Variants in ACTR3C observed in about 807,000 individuals in gnomAD.
The protein encoded by ACTR3C is actin-related protein 3C.
ACTR3C carries 18 observed loss-of-function variants against 26.3 expected under a neutral mutation model. That is an observed-to-expected ratio of 0.68 (90% CI 0.47 to 1.01). The LOEUF (loss-of-function observed/expected upper bound fraction) is 1.01. ACTR3C is among the 50% of genes least tolerant of loss of function. ACTR3C has a pLI of 0.00. For missense variants in ACTR3C, 184 were observed against 250.7 expected (o/e 0.73, Z 1.80); for synonymous variants, 55 against 94.5 (o/e 0.58, Z 2.42).
At chr7:149,963,313 T>G in the ACTR3C span, among the ~76,000 whole-genome samples, 5 of 152,226 alleles carry the variant, frequency 3.3e-5, no homozygotes, top group African/African-American at 1.2e-4. Context: ...ACATTTTTCC[T>G]GTTGAACACA....
chr7:150,203,193 ACAAG>A, the ACTR3C span, among the ~76,000 whole-genome samples: 1 of 152,246 alleles, frequency 6.6e-6, no homozygotes, highest in Non-Finnish European at 1.5e-5. Context: ...CCACATTTTA[ACAAG>A]CACACCAAGA....
chr7:150,037,882 A>AG, the ACTR3C span, among the ~76,000 whole-genome samples: 2 of 86,004 alleles, frequency 2.3e-5, no homozygotes, highest in African/African-American at 9.6e-5. Context: ...CTAAGAGCAA[A>AG]GGGGGGAAGA....
chr7:150,042,412 C>CA, the ACTR3C span, among the ~76,000 whole-genome samples: 1 of 146,256 alleles, frequency 6.8e-6, no homozygotes, highest in African/African-American at 2.6e-5. Flanking sequence ...TCTCAGTCCC[C>CA]GCGTCGCGAG....
the ACTR3C span, among the ~76,000 whole-genome samples, chr7:150,110,754 G>A: frequency 6.9e-6 from 1 of 145,794 alleles, no homozygotes; most frequent in Non-Finnish European, 1.5e-5. Flanking sequence ...AGCAGGGGGC[G>A]GGGCTTGCTG....
the ACTR3C span, among the ~76,000 whole-genome samples, chr7:150,033,165 G>A: frequency 6.6e-6 from 1 of 152,166 alleles, no homozygotes; most frequent in African/African-American, 2.4e-5. Context: ...TCCCCTCCCT[G>A]CAGCAGGGCT....
At chr7:149,885,987 T>C in the ACTR3C span, among the ~76,000 whole-genome samples, 1 of 152,272 alleles carries the variant, frequency 6.6e-6, no homozygotes, top group African/African-American at 2.4e-5. Flanking sequence ...TTAATCTTTC[T>C]GAGCTTCATT....
At chr7:150,232,337 T>C in the ACTR3C span, among the ~76,000 whole-genome samples, 1 of 152,228 alleles carries the variant, frequency 6.6e-6, no homozygotes, top group Non-Finnish European at 1.5e-5. Context: ...TCAAATTGGC[T>C]TCTTTACACC....
chr7:150,197,293 A>G, the ACTR3C span, among the ~76,000 whole-genome samples: 1 of 152,180 alleles, frequency 6.6e-6, no homozygotes, highest in Non-Finnish European at 1.5e-5. Flanking sequence ...CAGGGACTCC[A>G]TTGTCCCTCA....
chr7:149,959,231 C>T, the ACTR3C span, among the ~76,000 whole-genome samples: 1 of 149,478 alleles, frequency 6.7e-6, no homozygotes, highest in Non-Finnish European at 1.5e-5. Context: ...CGCCCCCCAC[C>T]CCCACAATCT....
the ACTR3C span, among the ~76,000 whole-genome samples, chr7:150,043,357 A>C: frequency 6.6e-6 from 1 of 151,250 alleles, no homozygotes; most frequent in Non-Finnish European, 1.5e-5. Flanking sequence ...TGGGGGTCAC[A>C]AGAGCCAGAG....
At chr7:149,932,610 T>C in the ACTR3C span, among the ~76,000 whole-genome samples, 1 of 151,894 alleles carries the variant, frequency 6.6e-6, no homozygotes, top group Non-Finnish European at 1.5e-5. Flanking sequence ...GCTGGCTCTT[T>C]TGGCACTGTT....
rs869078461 is a variant in ACTR3C, at chr7:150,299,494, AC to A, written c.-51-4148del. 1.7e-3 allele frequency among the ~76,000 whole-genome samples: 238 copies of A among 138,460 alleles called. 9 individuals are homozygous for A. Among genetic ancestry groups the A allele is most frequent in the African/African-American group, 2.9e-3 (95 of 33,050 alleles). The allele number at this position is 138,460 out of a possible 152,430, so 90.8% of individuals were successfully genotyped here. On this transcript the variant is annotated intron_variant, in intron 1 of 7. Coordinates refer to ENST00000683684, the MANE Select transcript of ACTR3C (RefSeq NM_001164458.2). ...AAAAAAAAAAAAAAAAAAAAAAAAA[AC>A]AAAAAACAGGCTGGGTGGTGTGGCT...
At chr7:149,973,213 G>A in the ACTR3C span, among the ~76,000 whole-genome samples, 2 of 152,204 alleles carry the variant, frequency 1.3e-5, no homozygotes, top group Admixed American at 1.3e-4. Flanking sequence ...AAGCACAGAG[G>A]CCCCACCCGG....
At chr7:150,036,956 G>A in the ACTR3C span, among the ~76,000 whole-genome samples, 1 of 93,934 alleles carries the variant, frequency 1.1e-5, no homozygotes, top group Non-Finnish European at 2.5e-5. Flanking sequence ...GGGGGAACCA[G>A]GGGCTGGCTC....
At chr7:150,170,518 G>A in the ACTR3C span, among the ~76,000 whole-genome samples, 2 of 150,564 alleles carry the variant, frequency 1.3e-5, 1 homozygote, top group African/African-American at 5.0e-5. Context: ...ATGTAGGTAT[G>A]ATTGATTGTT....
chr7:150,285,337 A>T (rs1320139602), intron 5 of ACTR3C, among the ~76,000 whole-genome samples: 1 of 152,254 alleles, frequency 6.6e-6, no homozygotes, highest in Non-Finnish European at 1.5e-5. Flanking sequence ...TTAACATGAA[A>T]CAATCCACAT....
At chr7:149,995,668 C>A in the ACTR3C span, among the ~76,000 whole-genome samples, 121 of 152,332 alleles carry the variant, frequency 7.9e-4, no homozygotes, top group Admixed American at 2.6e-3. Flanking sequence ...TTCCAGAACA[C>A]CACATGGCAT....
chr7:150,283,216 T>C (rs1835490969), intron 6 of ACTR3C, among the ~76,000 whole-genome samples: 1 of 149,148 alleles, frequency 6.7e-6, no homozygotes, highest in Admixed American at 6.6e-5. Flanking sequence ...GGGATTAAGA[T>C]TGAACAGTGT....
At chr7:150,219,569 G>A in the ACTR3C span, among the ~76,000 whole-genome samples, 1 of 140,426 alleles carries the variant, frequency 7.1e-6, no homozygotes, top group African/African-American at 3.2e-5. Context: ...CACAGGATCC[G>A]TGCGAAATCC....
Sources: allele counts gnomAD v4.1 joint callset (sites outside exome capture counted in the v4.1 genomes callset), GRCh38; gene constraint gnomAD v4.1.1; transcripts MANE v1.5; gene names NCBI Gene and HGNC (gene_info 2026-07-23, HGNC 2026-07-21).